DSCAM: variants seen among roughly 807,000 people sequenced by gnomAD.
DSCAM encodes DS cell adhesion molecule.
Under a neutral mutation model 217.7 loss-of-function variants are expected in DSCAM, and 47 were observed. The observed-to-expected ratio is 0.22, with a 90% CI of 0.17 to 0.28. The LOEUF (loss-of-function observed/expected upper bound fraction) is 0.28. Ranked by LOEUF, DSCAM falls within the 10% of genes least tolerant of loss-of-function variation. DSCAM has a pLI of 1.00. For missense variants in DSCAM, 2,080 were observed against 2,618.3 expected (o/e 0.79, Z 4.49); for synonymous variants, 1,056 against 1,015.3 (o/e 1.04, Z -0.76).
At chr21:40,369,363 T>C in intron 3 of DSCAM, 118 bp from the exon 4 acceptor site, 1 of 949,982 alleles carries the variant, frequency 1.1e-6, no homozygotes, top group Non-Finnish European at 1.5e-6. Flanking sequence ...ATGAAAAGGC[T>C]AAAAATGGGT....
At chr21:40,670,246 T>C (rs755431651) in intron 3 of DSCAM, among the ~76,000 whole-genome samples, 10 of 152,326 alleles carry the variant, frequency 6.6e-5, no homozygotes, top group Middle Eastern at 3.4e-3. Context: ...ACTCGGTACT[T>C]ATTAAACAAT....
intron 3 of DSCAM, among the ~76,000 whole-genome samples, chr21:40,687,019 C>T (rs958295667): frequency 6.6e-6 from 1 of 152,130 alleles, no homozygotes; most frequent in Admixed American, 6.5e-5. Context: ...CATCTCTGTG[C>T]CTTTCTAATT....
intron 11 of DSCAM, among the ~76,000 whole-genome samples, chr21:40,273,299 A>G (rs1224082839): frequency 2.0e-5 from 3 of 152,232 alleles, no homozygotes; most frequent in African/African-American, 7.2e-5. Flanking sequence ...AGGCCTAGAG[A>G]GATAAACTAA....
intron 32 of DSCAM, among the ~76,000 whole-genome samples, chr21:40,036,851 G>A (rs1273381772): frequency 6.7e-6 from 1 of 149,406 alleles, no homozygotes; most frequent in Non-Finnish European, 1.5e-5. Flanking sequence ...GGGATGCAAG[G>A]CTGGTTCAAT....
At chr21:40,818,025 G>A (rs62225171) in intron 1 of DSCAM, among the ~76,000 whole-genome samples, 23 of 148,630 alleles carry the variant, frequency 1.5e-4, no homozygotes, top group Middle Eastern at 3.5e-3. Context: ...GAACCCGGGA[G>A]GCGGAGCTTG....
At chr21:40,669,460 G>T (rs916316991) in intron 3 of DSCAM, among the ~76,000 whole-genome samples, 1 of 152,018 alleles carries the variant, frequency 6.6e-6, no homozygotes, top group African/African-American at 2.4e-5. Context: ...GAAATTAACA[G>T]AACAGACCAA....
chr21:40,307,225 A>C (rs1309800374), intron 9 of DSCAM, among the ~76,000 whole-genome samples: 1 of 144,818 alleles, frequency 6.9e-6, no homozygotes, highest in Admixed American at 6.7e-5. Context: ...ATGAACTCAA[A>C]CAAATTTACA....
At chr21:40,185,951 T>C (rs2090890143) in intron 14 of DSCAM, among the ~76,000 whole-genome samples, 1 of 152,200 alleles carries the variant, frequency 6.6e-6, no homozygotes, top group Non-Finnish European at 1.5e-5. Context: ...TCAGACTTTG[T>C]GTAAGTGACA....
chr21:40,779,244 T>TAG (rs909980460), intron 1 of DSCAM, among the ~76,000 whole-genome samples: 18 of 151,938 alleles, frequency 1.2e-4, no homozygotes, highest in African/African-American at 4.3e-4. Flanking sequence ...AGAAGGAGAG[T>TAG]AGAGAGAGGC....
chr21:40,322,008 G>A (rs2074264949), intron 8 of DSCAM, among the ~76,000 whole-genome samples: 1 of 151,958 alleles, frequency 6.6e-6, no homozygotes, highest in Admixed American at 6.6e-5. Flanking sequence ...TTCTTTTTTG[G>A]CTCCTCAAGA....
At chr21:40,392,410 T>C (rs527701912) in intron 3 of DSCAM, among the ~76,000 whole-genome samples, 2 of 152,222 alleles carry the variant, frequency 1.3e-5, no homozygotes, top group Non-Finnish European at 1.5e-5. Context: ...AAATGATATG[T>C]ATTTTTTAAA....
chr21:40,738,760 G>C (rs78515102), intron 1 of DSCAM, among the ~76,000 whole-genome samples: 1 of 152,196 alleles, frequency 6.6e-6, no homozygotes, highest in Non-Finnish European at 1.5e-5. Context: ...CCAGTCAGGG[G>C]ACCACACTTG....
intron 11 of DSCAM, among the ~76,000 whole-genome samples, chr21:40,272,690 G>A (rs911316734): frequency 1.3e-5 from 2 of 152,072 alleles, no homozygotes; most frequent in African/African-American, 4.8e-5. Context: ...GGCCATCCTG[G>A]GAGTCCAGAC....
intron 2 of DSCAM, among the ~76,000 whole-genome samples, chr21:40,702,778 T>A (rs911016990): frequency 6.6e-6 from 1 of 152,164 alleles, no homozygotes; most frequent in African/African-American, 2.4e-5. Context: ...TAGCTATAAC[T>A]CTGTTTTGTT....
chr21:40,798,348 G>A (rs891742110), intron 1 of DSCAM, among the ~76,000 whole-genome samples: 9 of 151,960 alleles, frequency 5.9e-5, no homozygotes, highest in African/African-American at 2.2e-4. Flanking sequence ...AAAATGCCAA[G>A]TAGTTTCGAT....
intron 1 of DSCAM, among the ~76,000 whole-genome samples, chr21:40,790,248 C>G (rs2091629845): frequency 6.9e-6 from 1 of 145,808 alleles, no homozygotes; most frequent in African/African-American, 2.5e-5. Flanking sequence ...GTGGCGCAAT[C>G]TCGGCTCACT....
chr21:40,303,090 T>C (rs1307469880), intron 9 of DSCAM, among the ~76,000 whole-genome samples: 3 of 152,142 alleles, frequency 2.0e-5, no homozygotes, highest in South Asian at 2.1e-4. Context: ...AGGGGGTGCA[T>C]GGATAAATAC....
At chr21:40,791,609 C>CA (rs2091644376) in intron 1 of DSCAM, among the ~76,000 whole-genome samples, 1 of 152,036 alleles carries the variant, frequency 6.6e-6, no homozygotes, top group Non-Finnish European at 1.5e-5. Flanking sequence ...GCCGAGATTG[C>CA]GCCACTGCAC....
intron 3 of DSCAM, among the ~76,000 whole-genome samples, chr21:40,510,535 A>T (rs1391303752): frequency 1.3e-5 from 2 of 152,232 alleles, no homozygotes; most frequent in African/African-American, 2.4e-5. Flanking sequence ...CTAAATGTGA[A>T]GATTGACTCA....
Sources: allele counts gnomAD v4.1 joint callset (sites outside exome capture counted in the v4.1 genomes callset), GRCh38; gene constraint gnomAD v4.1.1; transcripts MANE v1.5; gene names NCBI Gene and HGNC (gene_info 2026-07-23, HGNC 2026-07-21).